Variants in WDR75 observed in about 807,000 individuals in gnomAD.
WDR75 encodes the protein WD repeat-containing protein 75.
WDR75 carries 52 observed loss-of-function variants against 106.1 expected under a neutral mutation model. The ratio of observed to expected loss-of-function variants is 0.49; its 90% confidence interval spans 0.39 to 0.62. The LOEUF is 0.62. Ranked by LOEUF, WDR75 falls within the 20% of genes least tolerant of loss-of-function variation. The pLI is 0.00. For synonymous variants in WDR75, 333 were observed against 335.5 expected, an observed-to-expected ratio of 0.99 and a Z score of 0.08; for missense variants, 905 against 970.3, an observed-to-expected ratio of 0.93 and a Z score of 0.89.
intron 8 of WDR75, among the ~76,000 whole-genome samples, chr2:189,460,284 A>G (rs1686850411): frequency 6.6e-6 from 1 of 152,170 alleles, no homozygotes; most frequent in Non-Finnish European, 1.5e-5. Context: ...AGATGGTACC[A>G]TATGCTGTGG....
At chr2:189,474,639 C>A in intron 19 of WDR75, 78 bp from the exon 20 acceptor site, 1 of 1,258,400 alleles carries the variant, frequency 7.9e-7, no homozygotes, top group Non-Finnish European at 1.1e-6. Flanking sequence ...AAAAGGGACT[C>A]CGTGAGGACA....
Position 189,457,367 on chromosome 2 carries a change from GA to G in WDR75, c.559del (p.Thr187GlnfsTer23). The G allele has an allele frequency of 1.3e-6, 2 of 1,594,276 alleles. No homozygotes were observed. Among genetic ancestry groups the G allele is most frequent in the Non-Finnish European group, 1.7e-6 (2 of 1,163,438 alleles). On this transcript the variant is annotated frameshift_variant, in exon 6 of 21. Coordinates refer to ENST00000314761, the MANE Select transcript of WDR75 (RefSeq NM_032168.3). LOFTEE classifies it high-confidence loss of function. ...ACTTGTCTGTTTATTTTTTCAAAAA[GA>G]AAACAACATCAAGGTAAGAATTATT... ...FYLSVYFFKK[K>X]TTSRFTLSSS...
intron 8 of WDR75, among the ~76,000 whole-genome samples, chr2:189,460,478 T>A (rs1014732857): frequency 1.3e-5 from 2 of 151,994 alleles, no homozygotes; most frequent in Admixed American, 1.3e-4. Context: ...TTGGTATCCA[T>A]ATGTATGTGT....
chr2:189,471,236 TTTCTAA>T (rs1358052757), intron 18 of WDR75, among the ~76,000 whole-genome samples: 1 of 152,296 alleles, frequency 6.6e-6, no homozygotes, highest in East Asian at 1.9e-4. Flanking sequence ...AATGTTTATA[TTTCTAA>T]TTATAGGTTT....
chr2:189,462,883 G>A (rs1359674826), intron 9 of WDR75, among the ~76,000 whole-genome samples: 1 of 152,114 alleles, frequency 6.6e-6, no homozygotes, highest in East Asian at 1.9e-4. Flanking sequence ...GGTTATTGAT[G>A]TGCCACTTAC....
chr2:189,456,118 A>C (rs1488488304), intron 5 of WDR75, among the ~76,000 whole-genome samples: 1 of 152,202 alleles, frequency 6.6e-6, no homozygotes, highest in Non-Finnish European at 1.5e-5. Context: ...GAAAAGAGTT[A>C]ATTTCTCAGA....
chr2:189,474,878 T>C lies in WDR75; in HGVS notation c.2288+70T>C, dbSNP rs574476360. On this transcript the variant is annotated intron_variant, in intron 20 of 20. Transcript: ENST00000314761. ...ACAGGATCGTTTGTGTTTATCCTTTTTTAGAGTATTCTTCCACTGTATTTC... is the reference window on the plus strand; with the variant it reads ...ACAGGATCGTTTGTGTTTATCCTTTCTTAGAGTATTCTTCCACTGTATTTC... The C allele has an allele frequency of 6.6e-5, 82 of 1,233,370 alleles. No homozygotes were observed. In the African/African-American group the frequency reaches 1.1e-3, roughly 16 times the overall value. 76.4% of individuals were successfully genotyped at this position (1,233,370 alleles called of 1,614,324 possible).
chr2:189,472,512 A>C (rs934238873), intron 18 of WDR75, among the ~76,000 whole-genome samples: 1 of 151,818 alleles, frequency 6.6e-6, no homozygotes, highest in African/African-American at 2.4e-5. Context: ...TTTCTGGAAG[A>C]TTTCCTCATC....
At chr2:189,468,827 A>T (rs1687057384) in intron 15 of WDR75, among the ~76,000 whole-genome samples, 1 of 152,084 alleles carries the variant, frequency 6.6e-6, no homozygotes, top group South Asian at 2.1e-4. Flanking sequence ...TGACTTTCTG[A>T]TGCCCTCCAT....
chr2:189,464,364 C>A (rs1686959124), intron 11 of WDR75, among the ~76,000 whole-genome samples: 1 of 151,914 alleles, frequency 6.6e-6, no homozygotes, highest in Non-Finnish European at 1.5e-5. Context: ...TAAAGAGGAA[C>A]ACTTCTTCCA....
Position 189,463,935 on chromosome 2 carries a change from C to G in WDR75, c.1087C>G (p.Leu363Val). 1 of 1,613,754 alleles carries G rather than the reference C, an allele frequency of 6.2e-7. No homozygotes were observed. Among genetic ancestry groups the G allele is most frequent in the Non-Finnish European group, 8.5e-7 (1 of 1,179,740 alleles). ...ACCTGGCCACCTGCAGTTTTATTCT[C>G]TCCAGAGTGATAAACAGTTATACAA... is the stretch of plus-strand genomic sequence containing the variant. ...GKPGHLQFYS[L>V]QSDKQLYNLD... Residue 363 changes from leucine to valine, a missense_variant, in exon 11 of 21, where the codon CTC (leucine) becomes GTC (valine). Physicochemically the swap from Leu to Val is conservative, Grantham distance 32. Coordinates refer to ENST00000314761, the MANE Select transcript of WDR75 (RefSeq NM_032168.3).
Position 189,474,572 on chromosome 2 carries a change from T to C in WDR75, c.2197-145T>C. 4 of 857,510 alleles carry C rather than the reference T, an allele frequency of 4.7e-6. No homozygotes were observed. The South Asian group carries it at 7.3e-5, about 16-fold the overall frequency. The allele number at this position is 857,510 out of a possible 1,614,324, so 53.1% of individuals were successfully genotyped here. ...AGGAAGGTAGAAATGTATTTTTCTTTGGTTTGGCTTTTGTATAGGGAAAGC... is the reference window on the plus strand; with the variant it reads ...AGGAAGGTAGAAATGTATTTTTCTTCGGTTTGGCTTTTGTATAGGGAAAGC... On this transcript the variant is annotated intron_variant, in intron 19 of 20. Transcript: ENST00000314761.
intron 7 of WDR75, 138 bp downstream of exon 7, chr2:189,459,010 T>C (rs780169480): frequency 2.9e-5 from 34 of 1,153,000 alleles, no homozygotes; most frequent in Non-Finnish European, 4.0e-5. Flanking sequence ...ACTTACTGTT[T>C]TAGAATTTCT....
At chr2:189,461,449 C>T (rs1457571003) in intron 8 of WDR75, among the ~76,000 whole-genome samples, 2 of 151,866 alleles carry the variant, frequency 1.3e-5, no homozygotes, top group South Asian at 2.1e-4. Flanking sequence ...AATACTTTTC[C>T]ACTTTTTAGG....
At chr2:189,465,921 C>T (rs73978634) in intron 12 of WDR75, among the ~76,000 whole-genome samples, 63 of 152,250 alleles carry the variant, frequency 4.1e-4, no homozygotes, top group African/African-American at 1.2e-3. Context: ...TCATTCACAG[C>T]GTTGCCCTCT....
intron 13 of WDR75, 95 bp from the exon 14 acceptor site, chr2:189,467,373 A>T: frequency 7.5e-7 from 1 of 1,332,388 alleles, no homozygotes; most frequent in Non-Finnish European, 1.0e-6. Flanking sequence ...AACCACAGAA[A>T]GTGAACCCTC....
At chr2:189,450,709 G>A in intron 2 of WDR75, 194 bp from the exon 3 acceptor site, 1 of 1,379,402 alleles carries the variant, frequency 7.2e-7, no homozygotes, top group East Asian at 3.0e-5. Context: ...ACTTGAAATG[G>A]ATGGATCTGC....
At chr2:189,455,571 A>G in intron 5 of WDR75, 127 bp downstream of exon 5, 2 of 1,241,446 alleles carry the variant, frequency 1.6e-6, no homozygotes, top group Middle Eastern at 2.1e-4. Context: ...TTAGTAACTA[A>G]GAAGCCTCTT....
At chr2:189,472,906 G>GA (rs77978987) in intron 18 of WDR75, among the ~76,000 whole-genome samples, 9,221 of 150,014 alleles carry the variant, frequency 0.061, 408 homozygotes, top group African/African-American at 0.12. Flanking sequence ...TATGCTAGAG[G>GA]AAAAAAAAAA....
Sources: allele counts gnomAD v4.1 joint callset (sites outside exome capture counted in the v4.1 genomes callset), GRCh38; gene constraint gnomAD v4.1.1; transcripts MANE v1.5; gene names NCBI Gene and HGNC (gene_info 2026-07-23, HGNC 2026-07-21).